HTR4: variants seen among roughly 807,000 people sequenced by gnomAD.
The protein encoded by HTR4 is 5-hydroxytryptamine receptor 4.
HTR4 carries 16 observed loss-of-function variants against 36.8 expected under a neutral mutation model. The ratio of observed to expected loss-of-function variants is 0.43; its 90% CI spans 0.29 to 0.66. The LOEUF is 0.66. Ranked by LOEUF, HTR4 falls within the 30% of genes least tolerant of loss-of-function variation. The pLI, the probability that HTR4 is intolerant of heterozygous loss-of-function variation, is 0.13. For missense variants in HTR4, 438 were observed against 490.9 expected (o/e 0.89, Z 1.02); for synonymous variants, 189 against 185.1 (o/e 1.02, Z -0.17).
At chr5:148,514,069 T>C (rs1757620498) in intron 5 of HTR4, among the ~76,000 whole-genome samples, 1 of 152,180 alleles carries the variant, frequency 6.6e-6, no homozygotes, top group African/African-American at 2.4e-5. Flanking sequence ...GGCAGTTACA[T>C]TTTTTTCTCT....
chr5:148,639,867 G>A (rs1474984193), intron 1 of HTR4, among the ~76,000 whole-genome samples: 2 of 152,030 alleles, frequency 1.3e-5, no homozygotes, highest in Admixed American at 6.6e-5. Flanking sequence ...ACACTGGGAG[G>A]AAGGGGACCA....
intron 2 of HTR4, among the ~76,000 whole-genome samples, chr5:148,591,232 C>A (rs1004195352): frequency 1.3e-5 from 2 of 152,026 alleles, no homozygotes; most frequent in Admixed American, 6.6e-5. Flanking sequence ...GTTACTGTAG[C>A]CTTGTAGCAT....
chr5:148,573,242 GAGA>G (rs1390154114), intron 2 of HTR4, among the ~76,000 whole-genome samples: 1 of 152,096 alleles, frequency 6.6e-6, no homozygotes, highest in African/African-American at 2.4e-5. Context: ...ATGCTGTATT[GAGA>G]AGGTTTCTGA....
chr5:148,520,221 A>G (rs894525761), intron 5 of HTR4, among the ~76,000 whole-genome samples: 5 of 152,186 alleles, frequency 3.3e-5, no homozygotes, highest in African/African-American at 1.2e-4. Context: ...AGGCAGGTTC[A>G]GTGTGCAAAT....
At chr5:148,598,233 A>G (rs1761854748) in intron 2 of HTR4, among the ~76,000 whole-genome samples, 1 of 152,076 alleles carries the variant, frequency 6.6e-6, no homozygotes, top group African/African-American at 2.4e-5. Flanking sequence ...AATGAGACAG[A>G]AAAGTGATGC....
intron 4 of HTR4, among the ~76,000 whole-genome samples, chr5:148,524,808 T>G (rs148470071): frequency 6.6e-6 from 1 of 152,340 alleles, no homozygotes; most frequent in Admixed American, 6.5e-5. Flanking sequence ...TTCTTTTCTT[T>G]TCTTAATTCA....
chr5:148,534,989 G>A (rs1013834167), intron 4 of HTR4, among the ~76,000 whole-genome samples: 4 of 152,062 alleles, frequency 2.6e-5, no homozygotes, highest in African/African-American at 9.7e-5. Flanking sequence ...CACACCTTCA[G>A]AGCATTTAGA....
intron 2 of HTR4, among the ~76,000 whole-genome samples, chr5:148,570,964 G>T (rs1760652457): frequency 6.6e-6 from 1 of 152,026 alleles, no homozygotes; most frequent in Non-Finnish European, 1.5e-5. Flanking sequence ...TCTCCTAGGG[G>T]ATGTTTGAGA....
At chr5:148,613,615 T>G (rs1398751731) in intron 2 of HTR4, among the ~76,000 whole-genome samples, 1 of 150,356 alleles carries the variant, frequency 6.7e-6, no homozygotes, top group Non-Finnish European at 1.5e-5. Context: ...CTTTGAAAAC[T>G]GGCACAAGAC....
chr5:148,643,508 G>A (rs1753787578), intron 1 of HTR4, among the ~76,000 whole-genome samples: 1 of 152,046 alleles, frequency 6.6e-6, no homozygotes, highest in Non-Finnish European at 1.5e-5. Flanking sequence ...TGTGAATCTG[G>A]GAATTTTGTG....
At chr5:148,513,008 C>CT (rs549709188) in intron 5 of HTR4, among the ~76,000 whole-genome samples, 2,819 of 146,292 alleles carry the variant, frequency 0.019, 39 homozygotes, top group South Asian at 0.046. Flanking sequence ...ATTTTTATGT[C>CT]TTTTTTTTTT....
At chr5:148,646,554 A>T (rs1435542303) in intron 1 of HTR4, among the ~76,000 whole-genome samples, 5 of 152,136 alleles carry the variant, frequency 3.3e-5, no homozygotes, top group Admixed American at 3.3e-4. Context: ...GACTAATAAA[A>T]TGTCACCTCC....
chr5:148,474,242 T>C (rs138596642), downstream of HTR4, among the ~76,000 whole-genome samples: 6 of 152,132 alleles, frequency 3.9e-5, no homozygotes, highest in African/African-American at 1.2e-4. Context: ...AAAGCCTTAG[T>C]AGCTGATGAC....
rs78819959 is a variant in HTR4, at chr5:148,511,832, G to A, written c.508-1808C>T. 4.3e-3 allele frequency among the ~76,000 whole-genome samples: 650 copies of A among 152,218 alleles called. 6 individuals carry two copies. Among genetic ancestry groups the A allele is most frequent in the African/African-American group, 0.015 (617 of 41,546 alleles). On this transcript the variant is annotated intron_variant, in intron 5 of 6. Transcript: ENST00000377888. The stretch of plus-strand genomic sequence containing the variant: ...AACATTTGGAATTTATTGTCAGTAT[G>A]TAGTGGTATCTCATTGTGGATTTGT...
intron 2 of HTR4, among the ~76,000 whole-genome samples, chr5:148,586,485 G>A (rs1043043968): frequency 2.6e-5 from 4 of 151,922 alleles, no homozygotes; most frequent in South Asian, 4.2e-4. Flanking sequence ...CTTACATGGC[G>A]GCAGGAGACA....
intron 1 of HTR4, among the ~76,000 whole-genome samples, chr5:148,637,956 ATCT>A (rs1023749518): frequency 2.4e-4 from 36 of 152,286 alleles, no homozygotes; most frequent in African/African-American, 8.2e-4. Flanking sequence ...GAAAAAAATA[ATCT>A]CTGAGTTCAC....
chr5:148,592,193 GA>G (rs1338055659), intron 2 of HTR4, among the ~76,000 whole-genome samples: 3 of 152,088 alleles, frequency 2.0e-5, no homozygotes, highest in Non-Finnish European at 4.4e-5. Context: ...AACTACTTAT[GA>G]ATACAAAGAA....
chr5:148,617,196 G>A lies in HTR4; in HGVS notation c.26+19793C>T, dbSNP rs188764283. On this transcript the variant is annotated intron_variant, in intron 2 of 6. Coordinates refer to ENST00000377888, the MANE Select transcript of HTR4 (RefSeq NM_000870.7). Reference sequence around the variant, plus strand: ...CTCACAATAGTGAGTGATTTCTCACGAGATCTGGTTGTTTACAAGTGTGTG... The same window carrying A: ...CTCACAATAGTGAGTGATTTCTCACAAGATCTGGTTGTTTACAAGTGTGTG... Among the ~76,000 whole-genome samples, 6 of 152,188 alleles carry A rather than the reference G, an allele frequency of 3.9e-5. No individual in the cohort carries two copies. The East Asian group carries it at 9.7e-4, about 25-fold the overall frequency.
intron 5 of HTR4, 117 bp downstream of exon 5, chr5:148,523,076 A>G (rs1340570675): frequency 2.0e-6 from 2 of 1,009,876 alleles, no homozygotes; most frequent in Non-Finnish European, 2.9e-6. Flanking sequence ...AAAAAAAATT[A>G]TCACCCAGAC....
Sources: gnomAD v4.1 joint callset for allele counts (sites outside exome capture counted in the v4.1 genomes callset) on GRCh38, gnomAD v4.1.1 for gene constraint, MANE v1.5 for transcripts, NCBI Gene and HGNC (gene_info 2026-07-23, HGNC 2026-07-21) for gene names.